The following KLRC1 variants were observed in gnomAD, a reference collection of about 807,000 sequenced individuals.
KLRC1 encodes the protein killer cell lectin like receptor C1.
In KLRC1, 22 loss-of-function variants were observed where a neutral mutation model predicts 25.9. That is an observed-to-expected ratio of 0.85 (90% CI 0.61 to 1.21). KLRC1 has a LOEUF of 1.21. KLRC1 is among the 50% of genes most tolerant of loss of function. KLRC1 has a pLI of 0.00. For missense variants in KLRC1, 240 were observed against 272.2 expected (o/e 0.88, Z 0.83); for synonymous variants, 77 against 93.1 (o/e 0.83, Z 0.99).
Position 10,451,020 on chromosome 12 carries a change from T to C in KLRC1, c.137A>G (p.Gln46Arg), listed in dbSNP as rs1864114320. ...CCCTTGAAAATCCTGAGAAGCTTTT[T>C]GAAGGTTTAATTCCGCATAGGTTAT... Reference protein sequence around the residue: ...QEITYAELNLQKASQDFQGND... With the variant: ...QEITYAELNLRKASQDFQGND... The change falls in exon 2 of 7, where the codon CAA becomes CGA. Residue 46 changes from glutamine (Q) to arginine (R), a missense_variant. Physicochemically the swap from Gln to Arg is conservative, Grantham distance 43. Transcript: ENST00000359151. 2 of 1,613,858 alleles carry C rather than the reference T, an allele frequency of 1.2e-6. No individual in the cohort carries two copies. The highest frequency in any genetic ancestry group is 3.3e-5 in the Admixed American group (2 of 59,968).
At chr12:10,449,165 G>A (rs1864066344) in intron 5 of KLRC1, 72 bp downstream of exon 5, 1 of 1,585,604 alleles carries the variant, frequency 6.3e-7, no homozygotes, top group Admixed American at 1.7e-5. Context: ...CCACACATAT[G>A]GATGATTTCT....
Position 10,449,915 on chromosome 12 carries a change from T to C in KLRC1, c.336A>G (p.Lys112=), listed in dbSNP as rs1212469386. 6.8e-7 allele frequency: 1 copy of C among 1,479,212 alleles called. No homozygotes were observed. The highest frequency in any genetic ancestry group is 1.4e-5 in the South Asian group (1 of 72,252). 91.6% of individuals were successfully genotyped at this position (1,479,212 alleles called of 1,614,324 possible). A position where few individuals can be genotyped will look rare whatever the true frequency, so the allele number is the denominator to read the frequency against. The change falls in exon 4 of 7, where the codon AAA becomes AAG. Residue 112 remains lysine (K), a splice_region_variant and synonymous_variant. Coordinates refer to ENST00000359151, the MANE Select transcript of KLRC1 (RefSeq NM_002259.5). ...AAAACTTTAAAAATTATTATATACCTTTCTGAGTTCTTGTATTCAGGGAAG... is the reference window on the plus strand; with the variant it reads ...AAAACTTTAAAAATTATTATATACCCTTCTGAGTTCTTGTATTCAGGGAAG... The part of the protein sequence containing the change: ...NNSSLNTRTQ[K]ARHCGHCPEE...
At chr12:10,445,086 G>A (rs1159955817), downstream of KLRC1, among the ~76,000 whole-genome samples, 2 of 151,666 alleles carry the variant, frequency 1.3e-5, no homozygotes, top group Non-Finnish European at 2.9e-5. Flanking sequence ...CACCCAGCTA[G>A]TTTTTGTATT....
At chr12:10,450,810 A>G (rs1005436384) in intron 2 of KLRC1, among the ~76,000 whole-genome samples, 160 bp downstream of exon 2, 1 of 152,186 alleles carries the variant, frequency 6.6e-6, no homozygotes, top group African/African-American at 2.4e-5. Context: ...AATGAGTTCA[A>G]TCAGTCTTCA....
intron 5 of KLRC1, 44 bp from the exon 6 acceptor site, chr12:10,447,676 A>G: frequency 6.8e-7 from 1 of 1,462,984 alleles, no homozygotes; most frequent in East Asian, 2.5e-5. Flanking sequence ...TAATTATGAA[A>G]ACATTACAAA....
chr12:10,453,564 ATTT>A (rs35500295), upstream of KLRC1, among the ~76,000 whole-genome samples: 26 of 149,404 alleles, frequency 1.7e-4, no homozygotes, highest in African/African-American at 6.1e-4. Flanking sequence ...GCCTATGAGA[ATTT>A]TTTTTTTTTC....
In KLRC1 at chr12:10,447,512, C is replaced by T. The variant is rs749458621; in HGVS notation, c.590+20G>A. The T allele has an allele frequency of 5.2e-6, 8 of 1,540,898 alleles. No individual in the cohort carries two copies. The highest frequency in any genetic ancestry group is 5.4e-6 in the Non-Finnish European group (6 of 1,117,480). On this transcript the variant is annotated intron_variant, in intron 6 of 6. Coordinates refer to ENST00000359151, the MANE Select transcript of KLRC1 (RefSeq NM_002259.5). ...CCTTTATATATATATTGTTATATAG[C>T]GCCATACAAAACAACTTACTCATGT...
At chr12:10,451,222 T>C in intron 1 of KLRC1, 35 bp from the exon 2 acceptor site, 1 of 1,346,996 alleles carries the variant, frequency 7.4e-7, no homozygotes, top group South Asian at 1.7e-5. Flanking sequence ...TAATAAATGG[T>C]TTATATACAG....
intron 3 of KLRC1, 25 bp downstream of exon 3, chr12:10,450,459 T>C (rs1456909320): frequency 7.5e-7 from 1 of 1,333,484 alleles, no homozygotes; most frequent in Admixed American, 1.8e-5. Flanking sequence ...AAAATTCCCC[T>C]TGTAATCTTC....
At position 10,449,389 on chromosome 12, in the gene KLRC1, C is replaced by A. The variant is rs765176743; in HGVS notation, c.338-1G>T. On this transcript the variant is annotated splice_acceptor_variant, in intron 4 of 6. Coordinates refer to ENST00000359151, the MANE Select transcript of KLRC1 (RefSeq NM_002259.5). LOFTEE classifies it high-confidence loss of function. Reference sequence around the variant, plus strand: ...TCAGGACAATGGCCACAATGACGTGCTAAATAAAGATATGAATTACTATCT... The same window carrying A: ...TCAGGACAATGGCCACAATGACGTGATAAATAAAGATATGAATTACTATCT... 6.2e-7 allele frequency: 1 copy of A among 1,612,468 alleles called. No individual in the cohort carries two copies. The highest frequency in any genetic ancestry group is 1.1e-5 in the South Asian group (1 of 90,616).
rs1327473323 is a variant in KLRC1, at chr12:10,451,095, T to A, written c.62A>T (p.Gln21Leu). 2.5e-6 allele frequency: 4 copies of A among 1,614,130 alleles called. No homozygotes were observed. Among genetic ancestry groups the A allele is most frequent in the Non-Finnish European group, 3.4e-6 (4 of 1,179,974 alleles). Residue 21 changes from glutamine to leucine, a missense_variant, in exon 2 of 7, where the codon CAA becomes CTA. Transcript: ENST00000359151. ...GTTTTTATTGCCTTTAGGTTTTCGTTGCTGCCTCTTTGGGTTTGGGGGCAG... is the reference window on the plus strand; with the variant it reads ...GTTTTTATTGCCTTTAGGTTTTCGTAGCTGCCTCTTTGGGTTTGGGGGCAG... ...LNLPPNPKRQ[Q>L]RKPKGNKNSI...
chr12:10,452,131 CTACA>C (rs59218142), intron 1 of KLRC1, among the ~76,000 whole-genome samples: 3,052 of 151,994 alleles, frequency 0.02, 104 homozygotes, highest in African/African-American at 0.069. Context: ...ATTAGGAACA[CTACA>C]TAAATTGTTA....
intron 1 of KLRC1, 151 bp from the exon 2 acceptor site, chr12:10,451,338 C>A (rs1565513854): frequency 2.2e-6 from 1 of 458,618 alleles, no homozygotes; most frequent in East Asian, 3.5e-5. Flanking sequence ...AGCCTAAACA[C>A]GTTTCTTATG....
rs753997809 is a variant in KLRC1, at chr12:10,450,660, A to G, written c.188-81T>C. 150 of 858,906 alleles carry G rather than the reference A, an allele frequency of 1.7e-4. No individual in the cohort carries two copies. In the Middle Eastern group the frequency reaches 2.0e-3, roughly 11 times the overall value. The allele number at this position is 858,906 out of a possible 1,614,324, so 53.2% of individuals were successfully genotyped here. A position where few individuals can be genotyped will look rare whatever the true frequency, so the allele number is the denominator to read the frequency against. On this transcript the variant is annotated intron_variant, in intron 2 of 6. Coordinates refer to ENST00000359151, the MANE Select transcript of KLRC1 (RefSeq NM_002259.5). ...AAGATTCACAGACAAGAGAACCTGA[A>G]TGCACAGGAATCATACAGAGAAACT...
intron 5 of KLRC1, among the ~76,000 whole-genome samples, chr12:10,448,424 T>A (rs1864040890): frequency 6.6e-6 from 1 of 152,164 alleles, no homozygotes; most frequent in Non-Finnish European, 1.5e-5. Flanking sequence ...GCAAGGCTGG[T>A]ACCACTGGCA....
chr12:10,443,997 A>G (rs1214074941), downstream of KLRC1, among the ~76,000 whole-genome samples: 8 of 134,942 alleles, frequency 5.9e-5, 1 homozygote, highest in Admixed American at 1.4e-4. Context: ...GACAACCTCA[A>G]TGGTTTTAAA....
rs758629377 is a variant in KLRC1, at chr12:10,453,267, T to C, written c.-101A>G. ...GTTAGTCTCATAAAAAGGCCTGCTA[T>C]AGCTGTGTAATAAAAGGTGAAATTT... On this transcript the variant is annotated 5_prime_UTR_variant, in exon 1 of 7. Transcript: ENST00000359151. 424 of 985,202 alleles carry C rather than the reference T, an allele frequency of 4.3e-4. No homozygotes were observed. The highest frequency in any genetic ancestry group is 5.0e-4 in the Non-Finnish European group (414 of 829,858). The allele number at this position is 985,202 out of a possible 1,614,324, so 61.0% of individuals were successfully genotyped here. A position where few individuals can be genotyped will look rare whatever the true frequency, so the allele number is the denominator to read the frequency against.
rs1864083988 is a variant in KLRC1, at chr12:10,449,845, T to C, written c.337+69A>G. 7.1e-6 allele frequency: 9 copies of C among 1,268,884 alleles called. 1 individual carries two copies. The South Asian group carries it at 1.2e-4, about 17-fold the overall frequency. 78.6% of individuals were successfully genotyped at this position (1,268,884 alleles called of 1,614,324 possible). On this transcript the variant is annotated intron_variant, in intron 4 of 6. Coordinates refer to ENST00000359151, the MANE Select transcript of KLRC1 (RefSeq NM_002259.5). Reference sequence around the variant, plus strand: ...TTATAATTTTTCACCCAAAATTTTATTTTTGTACAGCCTAAGATCAAGAAA... The same window carrying C: ...TTATAATTTTTCACCCAAAATTTTACTTTTGTACAGCCTAAGATCAAGAAA...
At chr12:10,443,223 A>C (rs1199235799), downstream of KLRC1, among the ~76,000 whole-genome samples, 3 of 141,678 alleles carry the variant, frequency 2.1e-5, 1 homozygote, top group Non-Finnish European at 4.6e-5. Flanking sequence ...TGATGTCATT[A>C]TTATGCACTG....
Sources: gnomAD v4.1 joint callset for allele counts (sites outside exome capture counted in the v4.1 genomes callset) on GRCh38, gnomAD v4.1.1 for gene constraint, MANE v1.5 for transcripts, NCBI Gene and HGNC (gene_info 2026-07-23, HGNC 2026-07-21) for gene names.